The following MUSK variants were observed in gnomAD, a reference collection of about 807,000 sequenced individuals.
The protein encoded by MUSK is muscle, skeletal receptor tyrosine-protein kinase.
A neutral mutation model predicts 88.7 loss-of-function variants in MUSK; 55 were observed. The ratio of observed to expected loss-of-function variants is 0.62; its 90% CI spans 0.50 to 0.78. The LOEUF (loss-of-function observed/expected upper bound fraction) is 0.78, where lower values mean the gene tolerates loss of function less well. Ranked by LOEUF, MUSK falls within the 30% of genes least tolerant of loss-of-function variation. MUSK has a pLI of 0.00. For synonymous variants in MUSK, 387 were observed against 391.9 expected (o/e 0.99, Z 0.15); for missense variants, 1,015 against 1,074.3 (o/e 0.94, Z 0.77).
At chr9:110,680,868 A>T (rs57321738) in intron 1 of MUSK, among the ~76,000 whole-genome samples, 2,637 of 140,440 alleles carry the variant, frequency 0.019, 80 homozygotes, top group African/African-American at 0.068. Context: ...CTGTCACTGT[A>T]TACTTTATAT....
At chr9:110,749,699 G>T (rs1433135019) in intron 7 of MUSK, among the ~76,000 whole-genome samples, 1 of 152,184 alleles carries the variant, frequency 6.6e-6, no homozygotes, top group South Asian at 2.1e-4. Flanking sequence ...AGTCATGAAG[G>T]TCTGAACAGC....
In MUSK at chr9:110,689,720, T is replaced by A. The variant is rs1250856218; in HGVS notation, c.358+2452T>A. On this transcript the variant is annotated intron_variant, in intron 3 of 14. Transcript: ENST00000374448. Reference sequence around the variant, plus strand: ...ATATATAAATATATAACTATATATGTTATATATAGTTTATATATAATATTA... The same window carrying A: ...ATATATAAATATATAACTATATATGATATATATAGTTTATATATAATATTA... 1.7e-3 allele frequency among the ~76,000 whole-genome samples: 99 copies of A among 57,016 alleles called. 4 individuals carry two copies. Among genetic ancestry groups the A allele is most frequent in the Middle Eastern group, 0.022 (1 of 46 alleles). The allele number at this position is 57,016 out of a possible 152,430, so 37.4% of individuals were successfully genotyped here.
At chr9:110,787,641 T>G in intron 13 of MUSK, 49 bp from the exon 14 acceptor site, 2 of 1,592,398 alleles carry the variant, frequency 1.3e-6, no homozygotes, top group Non-Finnish European at 8.6e-7. Flanking sequence ...GGTATAAAGA[T>G]ATGATGTCCA....
intron 11 of MUSK, among the ~76,000 whole-genome samples, chr9:110,780,667 G>A (rs2077737486): frequency 6.6e-6 from 1 of 152,206 alleles, no homozygotes; most frequent in African/African-American, 2.4e-5. Context: ...GTTTATAGAT[G>A]TGATTTCACT....
chr9:110,728,742 C>T (rs371942182), intron 5 of MUSK: 2 of 1,557,776 alleles, frequency 1.3e-6, no homozygotes, highest in South Asian at 1.2e-5. Context: ...TTCTGCATGG[C>T]TTCTTTTTAA....
intron 5 of MUSK, among the ~76,000 whole-genome samples, chr9:110,719,979 C>A (rs539286415): frequency 6.6e-6 from 1 of 152,166 alleles, no homozygotes; most frequent in Non-Finnish European, 1.5e-5. Flanking sequence ...AAATGACCTG[C>A]TCCTGAATGA....
chr9:110,681,042 A>T (rs372601125), intron 1 of MUSK, among the ~76,000 whole-genome samples: 341 of 15,218 alleles, frequency 0.022, 39 homozygotes, highest in African/African-American at 0.13. Context: ...TATATTATAT[A>T]ATATATATTA....
intron 7 of MUSK, among the ~76,000 whole-genome samples, chr9:110,755,969 T>C (rs12379044): frequency 2.2e-5 from 2 of 92,412 alleles, no homozygotes; most frequent in Admixed American, 1.1e-4. Flanking sequence ...TATATACATA[T>C]ATATATATAC....
chr9:110,718,612 G>A (rs1423261252), intron 5 of MUSK, among the ~76,000 whole-genome samples: 4 of 152,034 alleles, frequency 2.6e-5, no homozygotes, highest in Non-Finnish European at 5.9e-5. Context: ...AGAATAGTTG[G>A]AAGGAAGAAG....
chr9:110,767,725 G>C, intron 8 of MUSK, 95 bp from the exon 9 acceptor site: 1 of 1,388,770 alleles, frequency 7.2e-7, no homozygotes, highest in African/African-American at 1.4e-5. Context: ...TCCTATTTCT[G>C]AGACACAGAT....
rs145286676 is a variant in MUSK, at chr9:110,765,856, G to A, written c.921-1964G>A. Among the ~76,000 whole-genome samples the A allele has an allele frequency of 2.5e-4, 38 of 152,240 alleles. No individual in the cohort carries two copies. In the East Asian group the frequency reaches 7.4e-3, roughly 29 times the overall value. On this transcript the variant is annotated intron_variant, in intron 8 of 14. Coordinates refer to ENST00000374448, the MANE Select transcript of MUSK (RefSeq NM_005592.4). Reference sequence around the variant, plus strand: ...CCCAAAGTGCTGGGATTACAGGTGTGAGCCACCACACTCAGCCAAAGCAAT... The same window carrying A: ...CCCAAAGTGCTGGGATTACAGGTGTAAGCCACCACACTCAGCCAAAGCAAT...
At chr9:110,710,554 C>A (rs1208462406) in intron 5 of MUSK, among the ~76,000 whole-genome samples, 3 of 152,110 alleles carry the variant, frequency 2.0e-5, no homozygotes, top group Non-Finnish European at 4.4e-5. Context: ...CTCCAAAGAA[C>A]ATAAATCTAC....
intron 6 of MUSK, among the ~76,000 whole-genome samples, chr9:110,741,404 C>G (rs2077096347): frequency 6.6e-6 from 1 of 152,038 alleles, no homozygotes; most frequent in Non-Finnish European, 1.5e-5. Context: ...CCTAGGAAGA[C>G]TGATTGGCTG....
At chr9:110,730,681 C>A (rs1215153795) in intron 5 of MUSK, among the ~76,000 whole-genome samples, 1 of 151,972 alleles carries the variant, frequency 6.6e-6, no homozygotes, top group African/African-American at 2.4e-5. Flanking sequence ...TTATTGTTTA[C>A]AATGCTTGAA....
intron 5 of MUSK, among the ~76,000 whole-genome samples, chr9:110,716,291 T>C (rs2076742959): frequency 6.7e-6 from 1 of 150,092 alleles, no homozygotes; most frequent in Non-Finnish European, 1.5e-5. Flanking sequence ...TTTATATAAT[T>C]GGAATAATTT....
At chr9:110,706,196 G>C (rs1564234415) in intron 5 of MUSK, 1 of 429,570 alleles carries the variant, frequency 2.3e-6, no homozygotes, top group Non-Finnish European at 4.8e-6. Context: ...CAACCATATT[G>C]GCTCATAAAG....
intron 6 of MUSK, among the ~76,000 whole-genome samples, chr9:110,742,055 A>G (rs867018822): frequency 6.6e-6 from 1 of 152,108 alleles, no homozygotes; most frequent in Admixed American, 6.5e-5. Context: ...GAACGTTTCA[A>G]GTGTCATTTA....
chr9:110,762,483 T>C (rs550857483), intron 8 of MUSK, among the ~76,000 whole-genome samples: 148 of 152,292 alleles, frequency 9.7e-4, no homozygotes, highest in African/African-American at 3.4e-3. Context: ...GATCGGGCAC[T>C]GTGCTGAGCT....
At chr9:110,746,441 G>A (rs2077175461) in intron 6 of MUSK, among the ~76,000 whole-genome samples, 2 of 152,170 alleles carry the variant, frequency 1.3e-5, no homozygotes, top group African/African-American at 4.8e-5. Flanking sequence ...TCTAGGACTA[G>A]GGAAGGCACT....
Sources: allele counts gnomAD v4.1 joint callset (sites outside exome capture counted in the v4.1 genomes callset), GRCh38; gene constraint gnomAD v4.1.1; transcripts MANE v1.5; gene names NCBI Gene and HGNC (gene_info 2026-07-23, HGNC 2026-07-21).